Variants in SPOCK3 observed in about 807,000 individuals in gnomAD.
SPOCK3 encodes testican-3.
In SPOCK3, 30 loss-of-function variants were observed where a neutral mutation model predicts 56.6. The ratio of observed to expected loss-of-function variants is 0.53; its 90% CI spans 0.40 to 0.72. SPOCK3 has a LOEUF of 0.72. Ranked by LOEUF, SPOCK3 falls within the 30% of genes least tolerant of loss-of-function variation. SPOCK3 has a pLI of 0.00. For synonymous variants in SPOCK3, 196 were observed against 183.3 expected (o/e 1.07, Z -0.56); for missense variants, 527 against 530.0 (o/e 0.99, Z 0.06).
chr4:167,060,363 G>C (rs1755457772), intron 3 of SPOCK3, among the ~76,000 whole-genome samples: 1 of 150,450 alleles, frequency 6.6e-6, no homozygotes, highest in Admixed American at 6.6e-5. Context: ...ACCAAGAAAA[G>C]CAAGAAACAT....
chr4:167,091,217 A>C (rs1758671260), intron 2 of SPOCK3, among the ~76,000 whole-genome samples: 1 of 152,184 alleles, frequency 6.6e-6, no homozygotes, highest in African/African-American at 2.4e-5. Flanking sequence ...TATTTCACTT[A>C]TTTTAAAGGA....
At chr4:167,234,278 T>A in intron 1 of SPOCK3, 105 bp from the exon 2 acceptor site, 1 of 1,138,608 alleles carries the variant, frequency 8.8e-7, no homozygotes, top group Non-Finnish European at 1.3e-6. Context: ...ACGACGAGGG[T>A]AGAGGGAGGA....
chr4:167,200,570 A>G (rs2110921669), intron 2 of SPOCK3, among the ~76,000 whole-genome samples: 1 of 152,050 alleles, frequency 6.6e-6, no homozygotes, highest in East Asian at 1.9e-4. Flanking sequence ...ATATAATATT[A>G]CAACTGATAA....
intron 3 of SPOCK3, among the ~76,000 whole-genome samples, chr4:167,030,147 ATCC>A (rs1457808495): frequency 6.7e-6 from 1 of 149,032 alleles, no homozygotes; most frequent in Non-Finnish European, 1.5e-5. Context: ...CCATCCATTA[ATCC>A]TCAACTATCC....
chr4:167,028,951 T>C (rs1751990095), intron 3 of SPOCK3, among the ~76,000 whole-genome samples: 1 of 152,048 alleles, frequency 6.6e-6, no homozygotes. Context: ...CTGGGGTACA[T>C]GTGCAGGATG....
At chr4:167,159,584 C>T (rs1765105282) in intron 2 of SPOCK3, among the ~76,000 whole-genome samples, 1 of 151,896 alleles carries the variant, frequency 6.6e-6, no homozygotes, top group South Asian at 2.1e-4. Flanking sequence ...AGAGACACAA[C>T]CAAAAAAGAG....
intron 5 of SPOCK3, among the ~76,000 whole-genome samples, chr4:166,889,819 T>A (rs778743159): frequency 5.9e-5 from 9 of 151,942 alleles, no homozygotes; most frequent in Non-Finnish European, 1.2e-4. Flanking sequence ...TTACTTGTGA[T>A]TTTCCACAAA....
chr4:166,838,894 G>A (rs148833027), intron 6 of SPOCK3, among the ~76,000 whole-genome samples: 10,868 of 150,660 alleles, frequency 0.072, 515 homozygotes, highest in Non-Finnish European at 0.1. Flanking sequence ...TCCGGGAGGC[G>A]GAGGTTGCAG....
chr4:167,119,143 A>G (rs116835229), intron 2 of SPOCK3, among the ~76,000 whole-genome samples: 320 of 123,356 alleles, frequency 2.6e-3, no homozygotes, highest in African/African-American at 3.3e-3. Flanking sequence ...GGGGTGGGGG[A>G]GGGGGGGGAA....
intron 3 of SPOCK3, among the ~76,000 whole-genome samples, chr4:167,048,749 A>G (rs1364417295): frequency 6.6e-6 from 1 of 152,198 alleles, no homozygotes; most frequent in Non-Finnish European, 1.5e-5. Flanking sequence ...TACAACTGGG[A>G]TTGAAGAATT....
chr4:166,879,049 T>A (rs1173648190), intron 6 of SPOCK3, among the ~76,000 whole-genome samples: 2 of 152,110 alleles, frequency 1.3e-5, no homozygotes, highest in African/African-American at 4.8e-5. Flanking sequence ...AATTTAAGAA[T>A]CTTAACCAAA....
At chr4:167,202,608 G>A (rs1733624174) in intron 2 of SPOCK3, among the ~76,000 whole-genome samples, 1 of 151,672 alleles carries the variant, frequency 6.6e-6, no homozygotes, top group Admixed American at 6.6e-5. Flanking sequence ...TTCTCCCTCT[G>A]ATTTTTTAAT....
intron 5 of SPOCK3, among the ~76,000 whole-genome samples, chr4:166,899,508 C>CTTTCTTTTTT (rs1553997547): frequency 8.4e-6 from 1 of 119,100 alleles, no homozygotes; most frequent in Non-Finnish European, 1.7e-5. Context: ...TTCTTTCTTT[C>CTTTCTTTTTT]TTTTTTTTTT....
At chr4:167,009,628 CA>C (rs911743823) in intron 3 of SPOCK3, among the ~76,000 whole-genome samples, 2 of 150,848 alleles carry the variant, frequency 1.3e-5, no homozygotes, top group African/African-American at 4.9e-5. Flanking sequence ...CTCACAATAC[CA>C]AAAAAAACAA....
At chr4:166,848,790 T>C (rs940098729) in intron 6 of SPOCK3, among the ~76,000 whole-genome samples, 4 of 152,196 alleles carry the variant, frequency 2.6e-5, no homozygotes, top group Non-Finnish European at 4.4e-5. Flanking sequence ...CTGGTGTAAT[T>C]TCTCCCTGTA....
At chr4:167,194,433 A>T (rs34496346) in intron 2 of SPOCK3, among the ~76,000 whole-genome samples, 2 of 152,106 alleles carry the variant, frequency 1.3e-5, no homozygotes, top group African/African-American at 4.8e-5. Context: ...TCTTTCAGGC[A>T]TGCTACTAGA....
At chr4:167,115,677 C>T (rs1184028237) in intron 2 of SPOCK3, among the ~76,000 whole-genome samples, 1 of 151,830 alleles carries the variant, frequency 6.6e-6, no homozygotes. Context: ...AAGGAAAATG[C>T]AGTTGTTAGG....
At chr4:167,172,556 T>C (rs1730599738) in intron 2 of SPOCK3, among the ~76,000 whole-genome samples, 1 of 152,186 alleles carries the variant, frequency 6.6e-6, no homozygotes, top group Admixed American at 6.5e-5. Context: ...AATGAAAGCA[T>C]ATTTCCTAAA....
intron 5 of SPOCK3, among the ~76,000 whole-genome samples, chr4:166,908,859 A>G (rs1222360599): frequency 6.6e-6 from 1 of 152,032 alleles, no homozygotes; most frequent in Non-Finnish European, 1.5e-5. Flanking sequence ...ATACAATCAA[A>G]ATAGACTTTG....
Sources: gnomAD v4.1 joint callset for allele counts (sites outside exome capture counted in the v4.1 genomes callset) on GRCh38, gnomAD v4.1.1 for gene constraint, MANE v1.5 for transcripts, NCBI Gene and HGNC (gene_info 2026-07-23, HGNC 2026-07-21) for gene names.